Variants in CAMK1D observed in about 807,000 individuals in gnomAD.
The protein encoded by CAMK1D is calcium/calmodulin-dependent protein kinase type 1D.
A neutral mutation model predicts 47.7 loss-of-function variants in CAMK1D; 9 were observed. The ratio of observed to expected loss-of-function variants is 0.19; its 90% CI spans 0.11 to 0.33. The LOEUF is 0.33. Among genes scored for constraint, CAMK1D ranks in the 10% least tolerant of loss-of-function variants. The probability of loss-of-function intolerance (pLI) is 1.00; values close to 1 mark genes in which losing one functional copy is unlikely to be tolerated. For synonymous variants in CAMK1D, 184 were observed against 184.9 expected, an observed-to-expected ratio of 0.99 and a Z score of 0.04; for missense variants, 291 against 488.7, an observed-to-expected ratio of 0.60 and a Z score of 3.81.
chr10:12,572,643 A>G (rs1837363068), intron 2 of CAMK1D, among the ~76,000 whole-genome samples: 1 of 151,966 alleles, frequency 6.6e-6, no homozygotes. Context: ...TAAAGTTTTA[A>G]TTTTTAGAGA....
At chr10:12,393,257 T>C (rs984542332) in intron 1 of CAMK1D, among the ~76,000 whole-genome samples, 2 of 152,140 alleles carry the variant, frequency 1.3e-5, no homozygotes, top group African/African-American at 4.8e-5. Context: ...GGTCTCGATC[T>C]CCTGACCTTG....
intron 5 of CAMK1D, among the ~76,000 whole-genome samples, chr10:12,772,305 C>T (rs1053489664): frequency 1.3e-5 from 2 of 152,100 alleles, no homozygotes; most frequent in African/African-American, 4.8e-5. Flanking sequence ...GAATCCCAGA[C>T]ATTAGAAAAT....
chr10:12,746,768 G>A (rs904214819), intron 3 of CAMK1D, among the ~76,000 whole-genome samples: 1 of 152,200 alleles, frequency 6.6e-6, no homozygotes, highest in Admixed American at 6.5e-5. Flanking sequence ...GGCGGGAGGT[G>A]AGCCACGCCA....
chr10:12,545,285 C>CA (rs1004373502), intron 1 of CAMK1D, among the ~76,000 whole-genome samples: 8 of 7,096 alleles, frequency 1.1e-3, no homozygotes, highest in Middle Eastern at 0.056. Context: ...ACTAAAAAAA[C>CA]AAAAAAACAA....
At chr10:12,412,693 CA>C (rs571912414) in intron 1 of CAMK1D, among the ~76,000 whole-genome samples, 167 of 45,146 alleles carry the variant, frequency 3.7e-3, no homozygotes, top group Middle Eastern at 0.017. Context: ...GAGACGCCAT[CA>C]AAAAAAAAAA....
chr10:12,701,054 T>A (rs989882299), intron 3 of CAMK1D, among the ~76,000 whole-genome samples: 1 of 152,152 alleles, frequency 6.6e-6, no homozygotes, highest in Admixed American at 6.5e-5. Context: ...GATTGAAAAT[T>A]TACTGCTATT....
At chr10:12,438,934 CTT>C (rs200946743) in intron 1 of CAMK1D, among the ~76,000 whole-genome samples, 1 of 152,228 alleles carries the variant, frequency 6.6e-6, no homozygotes, top group East Asian at 1.9e-4. Flanking sequence ...TTAAGAAAGA[CTT>C]AATATTTCTA....
chr10:12,665,372 A>G (rs1840396504), intron 2 of CAMK1D, among the ~76,000 whole-genome samples: 1 of 152,244 alleles, frequency 6.6e-6, no homozygotes, highest in African/African-American at 2.4e-5. Flanking sequence ...GACATCACAC[A>G]TTTAGGAAAA....
rs557571959 is a variant in CAMK1D at position 12,732,762 on chromosome 10, A to T, written c.300-28186A>T. Among the ~76,000 whole-genome samples the T allele has an allele frequency of 2.1e-5, 3 of 144,722 alleles. No individual in the cohort carries two copies. In the South Asian group the frequency reaches 6.5e-4, roughly 31 times the overall value. The allele number at this position is 144,722 out of a possible 152,430, so 94.9% of individuals were successfully genotyped here. A position where few individuals can be genotyped will look rare whatever the true frequency, so the allele number is the denominator to read the frequency against. The stretch of plus-strand genomic sequence containing the variant: ...TTGGGTGGGGACACAGCCAAACCCT[A>T]TCAATCTGGTTCACAGCAACAATGA... On this transcript the variant is annotated intron_variant, in intron 3 of 10. Transcript: ENST00000619168.
intron 1 of CAMK1D, among the ~76,000 whole-genome samples, chr10:12,458,695 A>G (rs981178981): frequency 6.6e-6 from 1 of 152,060 alleles, no homozygotes; most frequent in Non-Finnish European, 1.5e-5. Context: ...AGCCTCCTAA[A>G]GTGTCAGGAT....
At chr10:12,660,051 C>T (rs1174189556) in intron 2 of CAMK1D, among the ~76,000 whole-genome samples, 1 of 152,162 alleles carries the variant, frequency 6.6e-6, no homozygotes, top group African/African-American at 2.4e-5. Context: ...TCTTACATCC[C>T]TTGTCTTCAT....
At chr10:12,405,462 G>A (rs918790533) in intron 1 of CAMK1D, among the ~76,000 whole-genome samples, 2 of 152,190 alleles carry the variant, frequency 1.3e-5, no homozygotes, top group Non-Finnish European at 2.9e-5. Context: ...GTGAACTAAC[G>A]AGAAAACTCC....
chr10:12,782,639 G>A (rs745517731), intron 5 of CAMK1D, among the ~76,000 whole-genome samples: 2 of 152,136 alleles, frequency 1.3e-5, no homozygotes, highest in Non-Finnish European at 2.9e-5. Context: ...CCCACCAGCA[G>A]GGGGGGCATC....
In CAMK1D at chr10:12,743,346, C is replaced by CAAA. The variant is rs199673328; in HGVS notation, c.300-17591_300-17589dup. Among the ~76,000 whole-genome samples, 124 of 92,370 alleles carry CAAA rather than the reference C, an allele frequency of 1.3e-3. 1 individual carries two copies. Among genetic ancestry groups the CAAA allele is most frequent in the African/African-American group, 5.9e-3 (110 of 18,626 alleles). 60.6% of individuals were successfully genotyped at this position (92,370 alleles called of 152,430 possible). Reference sequence around the variant, plus strand: ...TGGGTGACAGGGTAAGACCCTGTCTCAAAAAAAAAAAAAGAAAAAAGAAAA... The same window carrying CAAA: ...TGGGTGACAGGGTAAGACCCTGTCTCAAAAAAAAAAAAAAAAGAAAAAAGAAAA... On this transcript the variant is annotated intron_variant, in intron 3 of 10. Coordinates refer to ENST00000619168, the MANE Select transcript of CAMK1D (RefSeq NM_153498.4).
intron 1 of CAMK1D, among the ~76,000 whole-genome samples, chr10:12,506,964 C>T (rs961059676): frequency 3.9e-5 from 6 of 152,196 alleles, no homozygotes; most frequent in African/African-American, 1.4e-4. Context: ...AGGAGATGGA[C>T]TCTTAATATT....
chr10:12,378,970 C>A (rs781579025), intron 1 of CAMK1D, among the ~76,000 whole-genome samples: 1 of 151,944 alleles, frequency 6.6e-6, no homozygotes, highest in African/African-American at 2.4e-5. Context: ...CCAGCATGCC[C>A]GGCTAATTTT....
chr10:12,606,075 T>TC (rs1838451847), intron 2 of CAMK1D, among the ~76,000 whole-genome samples: 3 of 152,352 alleles, frequency 2.0e-5, no homozygotes, highest in Middle Eastern at 3.4e-3. Context: ...GCAAGCCCCT[T>TC]CCTCATGCTT....
chr10:12,457,758 C>T (rs1393354076), intron 1 of CAMK1D, among the ~76,000 whole-genome samples: 23 of 126,712 alleles, frequency 1.8e-4, no homozygotes, highest in Non-Finnish European at 3.3e-4. Flanking sequence ...TCCAGCCTGG[C>T]GACAGAGCAA....
intron 1 of CAMK1D, among the ~76,000 whole-genome samples, chr10:12,367,545 G>A (rs1837872453): frequency 6.6e-6 from 1 of 151,598 alleles, no homozygotes; most frequent in South Asian, 2.1e-4. Context: ...ACAACTCACC[G>A]TAATGTAGAA....
Sources: gnomAD v4.1 joint callset for allele counts (sites outside exome capture counted in the v4.1 genomes callset) on GRCh38, gnomAD v4.1.1 for gene constraint, MANE v1.5 for transcripts, NCBI Gene and HGNC (gene_info 2026-07-23, HGNC 2026-07-21) for gene names.